FAM227B: variants seen among roughly 807,000 people sequenced by gnomAD.
FAM227B encodes family with sequence similarity 227 member B.
In FAM227B, 88 loss-of-function variants were observed where a neutral mutation model predicts 73.8. The observed-to-expected ratio is 1.19, with a 90% CI of 1.00 to 1.42. FAM227B has a LOEUF of 1.42. Ranked by LOEUF, FAM227B falls within the 40% of genes most tolerant of loss-of-function variation. FAM227B has a pLI of 0.00. For synonymous variants in FAM227B, 210 were observed against 190.5 expected (o/e 1.10, Z -0.84); for missense variants, 632 against 590.9 (o/e 1.07, Z -0.72).
chr15:49,557,544 A>G (rs945169663), intron 9 of FAM227B, among the ~76,000 whole-genome samples: 5 of 152,304 alleles, frequency 3.3e-5, no homozygotes, highest in African/African-American at 1.2e-4. Flanking sequence ...AGTAAATACT[A>G]GTTCCTCAAG....
intron 11 of FAM227B, among the ~76,000 whole-genome samples, chr15:49,451,805 A>G (rs1250414313): frequency 2.0e-5 from 3 of 152,188 alleles, no homozygotes; most frequent in African/African-American, 7.2e-5. Context: ...CTTATATAGC[A>G]ATCAAGAGCG....
At chr15:49,425,085 T>A (rs1300467626) in intron 11 of FAM227B, 1 of 152,190 alleles carries the variant, frequency 6.6e-6, no homozygotes, top group African/African-American at 2.4e-5. Flanking sequence ...CAATTGTGTA[T>A]AATGATAAAA....
intron 1 of FAM227B, among the ~76,000 whole-genome samples, chr15:49,618,866 G>A (rs73406029): frequency 0.028 from 4,330 of 152,200 alleles, 216 homozygotes; most frequent in African/African-American, 0.1. Flanking sequence ...GGTACTACAG[G>A]GTTTTCTTTA....
Position 49,397,147 on chromosome 15 carries a change from C to T in FAM227B, c.1013-25748G>A, listed in dbSNP as rs552769574. Among the ~76,000 whole-genome samples the T allele has an allele frequency of 9.3e-4, 141 of 152,164 alleles. 5 individuals are homozygous for T. In the South Asian group the frequency reaches 0.028, roughly 30 times the overall value. On this transcript the variant is annotated intron_variant, in intron 11 of 15. Transcript: ENST00000299338. ...TTAGAATAACGAATACAGAGAAGTGCTTAAAGGAGCTGATGGAGCTGAACA... is the reference window on the plus strand; with the variant it reads ...TTAGAATAACGAATACAGAGAAGTGTTTAAAGGAGCTGATGGAGCTGAACA...
chr15:49,417,847 T>A (rs978620818), intron 11 of FAM227B, among the ~76,000 whole-genome samples: 4 of 152,198 alleles, frequency 2.6e-5, no homozygotes, highest in African/African-American at 9.6e-5. Context: ...AAAGAGCTCC[T>A]GCACAGCAAA....
intron 3 of FAM227B, among the ~76,000 whole-genome samples, chr15:49,606,695 G>T (rs563288610): frequency 2.0e-5 from 3 of 152,232 alleles, no homozygotes; most frequent in East Asian, 3.9e-4. Flanking sequence ...CCTCACCATT[G>T]TTGGGCTCAG....
At chr15:49,558,298 A>G (rs1048627195) in intron 9 of FAM227B, among the ~76,000 whole-genome samples, 5 of 152,196 alleles carry the variant, frequency 3.3e-5, no homozygotes, top group African/African-American at 1.2e-4. Flanking sequence ...GTTGTCAGTC[A>G]CAGCTCTGCA....
intron 1 of FAM227B, among the ~76,000 whole-genome samples, chr15:49,618,825 G>A (rs2078465063): frequency 6.6e-6 from 1 of 152,202 alleles, no homozygotes; most frequent in South Asian, 2.1e-4. Context: ...TTCCTTTGGT[G>A]AGAAGAATTG....
intron 11 of FAM227B, among the ~76,000 whole-genome samples, chr15:49,409,211 A>C (rs2048715739): frequency 6.6e-6 from 1 of 152,048 alleles, no homozygotes; most frequent in Non-Finnish European, 1.5e-5. Flanking sequence ...TTACATGTGA[A>C]CTGACCATGT....
intron 11 of FAM227B, among the ~76,000 whole-genome samples, chr15:49,451,156 A>G (rs1031060305): frequency 5.3e-5 from 8 of 152,166 alleles, no homozygotes; most frequent in African/African-American, 1.7e-4. Flanking sequence ...TTTCCAAAAT[A>G]TTAACTAAGA....
chr15:49,589,618 A>T (rs1365922347), intron 4 of FAM227B, among the ~76,000 whole-genome samples, 158 bp downstream of exon 4: 2 of 150,574 alleles, frequency 1.3e-5, no homozygotes, highest in African/African-American at 4.9e-5. Flanking sequence ...TACTAACACA[A>T]AAAATAAGGA....
intron 15 of FAM227B, chr15:49,330,267 C>G (rs1469167532): frequency 6.6e-6 from 1 of 152,188 alleles, no homozygotes; most frequent in Admixed American, 6.5e-5. Flanking sequence ...AGATTGACTA[C>G]ACTGGCTGGA....
At chr15:49,550,063 ATCCCCCC>A in intron 9 of FAM227B, among the ~76,000 whole-genome samples, 1 of 116,826 alleles carries the variant, frequency 8.6e-6, no homozygotes, top group Non-Finnish European at 1.7e-5. Context: ...CTGGGGGCTG[ATCCCCCC>A]ACCTCCCTCC....
chr15:49,567,002 TTC>T (rs2074710767), intron 9 of FAM227B, among the ~76,000 whole-genome samples: 1 of 152,184 alleles, frequency 6.6e-6, no homozygotes, highest in African/African-American at 2.4e-5. Context: ...CACCATTTTA[TTC>T]TTTGTCCATA....
At chr15:49,555,231 C>T (rs990518795) in intron 9 of FAM227B, among the ~76,000 whole-genome samples, 1 of 152,194 alleles carries the variant, frequency 6.6e-6, no homozygotes, top group Non-Finnish European at 1.5e-5. Flanking sequence ...TCTTCGGGAC[C>T]TCTTATAAAG....
intron 11 of FAM227B, among the ~76,000 whole-genome samples, chr15:49,402,261 A>G (rs1277054521): frequency 1.3e-5 from 2 of 152,158 alleles, no homozygotes; most frequent in African/African-American, 4.8e-5. Flanking sequence ...GTTTTTGCAG[A>G]GAAAGGGCTA....
At chr15:49,479,862 C>T (rs1053851838) in intron 11 of FAM227B, among the ~76,000 whole-genome samples, 1 of 152,152 alleles carries the variant, frequency 6.6e-6, no homozygotes, top group East Asian at 1.9e-4. Context: ...GATCCACCCG[C>T]GTTGGCCTCC....
At chr15:49,546,646 C>G (rs929272502) in intron 9 of FAM227B, among the ~76,000 whole-genome samples, 1 of 152,124 alleles carries the variant, frequency 6.6e-6, no homozygotes, top group African/African-American at 2.4e-5. Context: ...TTAATGATCG[C>G]CATTCTAACT....
At chr15:49,522,159 T>A (rs1490223738) in intron 10 of FAM227B, among the ~76,000 whole-genome samples, 2 of 152,054 alleles carry the variant, frequency 1.3e-5, no homozygotes, top group Non-Finnish European at 2.9e-5. Flanking sequence ...GAAAATCATG[T>A]CCAAAAGCTA....
Sources: allele counts gnomAD v4.1 joint callset (sites outside exome capture counted in the v4.1 genomes callset), GRCh38; gene constraint gnomAD v4.1.1; transcripts MANE v1.5; gene names NCBI Gene and HGNC (gene_info 2026-07-23, HGNC 2026-07-21).